Variants in CCDC7 observed in about 807,000 individuals in gnomAD.
CCDC7 encodes the protein coiled-coil domain-containing protein 7.
A neutral mutation model predicts 196.9 loss-of-function variants in CCDC7; 183 were observed. The ratio of observed to expected loss-of-function variants is 0.93; its 90% CI spans 0.82 to 1.05. CCDC7 has a LOEUF of 1.05. Ranked by LOEUF, CCDC7 falls within the 50% of genes least tolerant of loss-of-function variation. The probability of loss-of-function intolerance (pLI) is 0.00; values close to 1 mark genes in which losing one functional copy is unlikely to be tolerated. For missense variants in CCDC7, 1,540 were observed against 1,482.2 expected (o/e 1.04, Z -0.64); for synonymous variants, 525 against 484.6 (o/e 1.08, Z -1.10).
rs548302959 is a variant in CCDC7, at chr10:32,696,064, G to A, written c.2458+1072G>A. 7.9e-5 allele frequency among the ~76,000 whole-genome samples: 12 copies of A among 152,024 alleles called. 1 individual carries two copies. The South Asian group carries it at 2.3e-3, about 29-fold the overall frequency. On this transcript the variant is annotated intron_variant, in intron 24 of 41. Coordinates refer to ENST00000639629, the Ensembl canonical transcript of CCDC7. ...GAGACAAAGACACTAGCTTCTGGTAGTCTGGTGGGTTTAGTCTTCCATATA... is the reference window on the plus strand; with the variant it reads ...GAGACAAAGACACTAGCTTCTGGTAATCTGGTGGGTTTAGTCTTCCATATA...
chr10:32,590,880 G>GT lies in CCDC7; in HGVS notation c.1801+6583dup, dbSNP rs542435522. Among the ~76,000 whole-genome samples, 53 of 152,116 alleles carry GT rather than the reference G, an allele frequency of 3.5e-4. 1 individual carries two copies. In the Middle Eastern group the frequency reaches 0.01, roughly 29 times the overall value. On this transcript the variant is annotated intron_variant, in intron 18 of 41. Coordinates refer to ENST00000639629, the Ensembl canonical transcript of CCDC7. ...ATTGGAGCTCCATTGTATGTTACTTGTTTTTTTCCCTCTTGCTGCTTTTAG... is the reference window on the plus strand; with the variant it reads ...ATTGGAGCTCCATTGTATGTTACTTGTTTTTTTTCCCTCTTGCTGCTTTTAG...
intron 18 of CCDC7, among the ~76,000 whole-genome samples, chr10:32,608,177 C>A (rs2061725321): frequency 6.6e-6 from 1 of 151,968 alleles, no homozygotes; most frequent in South Asian, 2.1e-4. Flanking sequence ...TTTCTGATTT[C>A]ATTTGGGTCT....
At position 32,851,789 on chromosome 10, in the gene CCDC7, T is replaced by G. The variant is rs1225760757; in HGVS notation, c.3896-18T>G. The G allele has an allele frequency of 6.2e-7, 1 of 1,604,132 alleles. No homozygotes were observed. The highest frequency in any genetic ancestry group is 1.3e-5 in the African/African-American group (1 of 74,480). ...TGTCATCTATTGTATGGCTAACATA[T>G]TTTCCAAATTTTTCTAGAGGAAACT... is the stretch of plus-strand genomic sequence containing the variant. On this transcript the variant is annotated intron_variant, in intron 39 of 41. Coordinates refer to ENST00000639629, the Ensembl canonical transcript of CCDC7.
chr10:32,848,656 G>A (rs1004596073), exon 39 of CCDC7: 6 of 1,539,452 alleles, frequency 3.9e-6, no homozygotes, highest in Admixed American at 1.7e-5. Flanking sequence ...ATCTTTACTA[G>A]GAGCATTACA....
intron 23 of CCDC7, among the ~76,000 whole-genome samples, chr10:32,692,567 C>T (rs2077209050): frequency 6.6e-6 from 1 of 152,160 alleles, no homozygotes. Flanking sequence ...GTCCTGCAGG[C>T]TCACTAGTAC....
intron 28 of CCDC7, among the ~76,000 whole-genome samples, chr10:32,769,122 A>G (rs1006872996): frequency 2.6e-5 from 4 of 152,018 alleles, no homozygotes; most frequent in African/African-American, 9.7e-5. Flanking sequence ...TTGGCTGTCA[A>G]TCCATCCAGT....
chr10:32,833,796 A>G (rs903561902), intron 32 of CCDC7, among the ~76,000 whole-genome samples: 2 of 152,058 alleles, frequency 1.3e-5, no homozygotes, highest in African/African-American at 2.4e-5. Flanking sequence ...GGTGGTACAT[A>G]TGGGATGTAC....
At chr10:32,627,255 A>G (rs965999086) in intron 18 of CCDC7, among the ~76,000 whole-genome samples, 3 of 151,862 alleles carry the variant, frequency 2.0e-5, no homozygotes, top group Admixed American at 2.0e-4. Flanking sequence ...TCTTTGGTCA[A>G]ACTTTATTCC....
chr10:32,879,104 T>C (rs192211540), downstream of CCDC7, among the ~76,000 whole-genome samples: 4 of 152,230 alleles, frequency 2.6e-5, no homozygotes, highest in African/African-American at 7.2e-5. Context: ...ATGTACAGGT[T>C]TGTTACATAG....
chr10:32,730,178 T>A (rs1006698853), intron 28 of CCDC7, among the ~76,000 whole-genome samples: 1 of 152,108 alleles, frequency 6.6e-6, no homozygotes, highest in Non-Finnish European at 1.5e-5. Context: ...CAGGCCACTG[T>A]GTAGGTTGTC....
At chr10:32,515,536 A>G (rs2046878666) in intron 9 of CCDC7, among the ~76,000 whole-genome samples, 1 of 151,978 alleles carries the variant, frequency 6.6e-6, no homozygotes, top group African/African-American at 2.4e-5. Flanking sequence ...AGGCTGGATT[A>G]CTTATTTTTA....
At chr10:32,621,962 C>T (rs2063465341) in intron 18 of CCDC7, among the ~76,000 whole-genome samples, 1 of 152,150 alleles carries the variant, frequency 6.6e-6, no homozygotes. Flanking sequence ...TTAGCCCCAT[C>T]AACTTGACAC....
chr10:32,607,790 T>C (rs2061689268), intron 18 of CCDC7, among the ~76,000 whole-genome samples: 1 of 152,158 alleles, frequency 6.6e-6, no homozygotes, highest in African/African-American at 2.4e-5. Context: ...TAGTTTTCTT[T>C]TTTGTTGTAT....
At chr10:32,540,001 A>C (rs1163323763) in intron 11 of CCDC7, among the ~76,000 whole-genome samples, 2 of 151,722 alleles carry the variant, frequency 1.3e-5, no homozygotes, top group African/African-American at 4.8e-5. Context: ...TTGGGTGGAG[A>C]CTTGTGTAGT....
At chr10:32,800,219 G>A (rs1470220521) in intron 29 of CCDC7, among the ~76,000 whole-genome samples, 1 of 152,166 alleles carries the variant, frequency 6.6e-6, no homozygotes, top group Admixed American at 6.5e-5. Flanking sequence ...CCTTGATGGT[G>A]GCAGTAATCT....
chr10:32,754,605 T>G (rs1488099294), intron 28 of CCDC7, among the ~76,000 whole-genome samples: 1 of 152,230 alleles, frequency 6.6e-6, no homozygotes, highest in Admixed American at 6.5e-5. Flanking sequence ...GCACTTGATC[T>G]AACTGCATAT....
At chr10:32,882,324 G>T (rs991557228) in intron 22 of CCDC7, among the ~76,000 whole-genome samples, 1 of 152,126 alleles carries the variant, frequency 6.6e-6, no homozygotes. Context: ...TAACGGCGAG[G>T]GGTGAGAAAC....
At chr10:32,707,067 C>G (rs2141757223) in intron 24 of CCDC7, among the ~76,000 whole-genome samples, 1 of 152,214 alleles carries the variant, frequency 6.6e-6, no homozygotes, top group South Asian at 2.1e-4. Flanking sequence ...TGCAAAAATC[C>G]TCAATAAAAT....
intron 11 of CCDC7, among the ~76,000 whole-genome samples, chr10:32,524,264 G>C (rs1589506648): frequency 6.6e-6 from 1 of 152,086 alleles, no homozygotes; most frequent in African/African-American, 2.4e-5. Context: ...CACGTGGAAA[G>C]AAAACTCATA....
Sources: allele counts gnomAD v4.1 joint callset (sites outside exome capture counted in the v4.1 genomes callset), GRCh38; gene constraint gnomAD v4.1.1; transcripts MANE v1.5; gene names NCBI Gene and HGNC (gene_info 2026-07-23, HGNC 2026-07-21).